MEIOB: variants seen among roughly 807,000 people sequenced by gnomAD.
MEIOB encodes the protein meiosis-specific with OB domain-containing protein.
A neutral mutation model predicts 53.1 loss-of-function variants in MEIOB; 50 were observed. The ratio of observed to expected loss-of-function variants is 0.94; its 90% confidence interval spans 0.75 to 1.19. The LOEUF is 1.19. Ranked by LOEUF, MEIOB falls within the 50% of genes most tolerant of loss-of-function variation. The pLI is 0.00. For missense variants in MEIOB, 551 were observed against 550.8 expected (o/e 1.00, Z 0.00); for synonymous variants, 192 against 182.5 (o/e 1.05, Z -0.42).
At chr16:1,858,781 C>T (rs1233658935) in intron 5 of MEIOB, among the ~76,000 whole-genome samples, 2 of 152,144 alleles carry the variant, frequency 1.3e-5, no homozygotes, top group Non-Finnish European at 2.9e-5. Flanking sequence ...ATTGGTATTT[C>T]TAGATGAAAA....
chr16:1,870,180 T>G (rs1742449), intron 1 of MEIOB, among the ~76,000 whole-genome samples: 125,550 of 152,134 alleles, frequency 0.83, 51,930 homozygotes, highest in Middle Eastern at 0.9. Context: ...CCCGGGAAAA[T>G]TATTGATTTT....
chr16:1,870,525 C>T (rs945614608), intron 1 of MEIOB, among the ~76,000 whole-genome samples: 2 of 152,138 alleles, frequency 1.3e-5, no homozygotes, highest in African/African-American at 4.8e-5. Flanking sequence ...AGTTTGTAGT[C>T]GTGTGTTTTA....
At chr16:1,860,362 T>C (rs897335011) in intron 5 of MEIOB, 41 bp downstream of exon 5, 1 of 1,069,168 alleles carries the variant, frequency 9.4e-7, no homozygotes, top group Admixed American at 2.1e-5. Flanking sequence ...TTATTAGTAA[T>C]GATCATTCTC....
At chr16:1,846,111 C>A (rs1377541752) in intron 9 of MEIOB, among the ~76,000 whole-genome samples, 1 of 152,174 alleles carries the variant, frequency 6.6e-6, no homozygotes, top group Non-Finnish European at 1.5e-5. Flanking sequence ...TATATTATCT[C>A]AATTCTTGGC....
chr16:1,839,474 C>G (rs1159745433), intron 11 of MEIOB, 36 bp from the exon 12 acceptor site: 1 of 1,543,340 alleles, frequency 6.5e-7, no homozygotes, highest in East Asian at 2.3e-5. Context: ...AAATGTGATG[C>G]CCTAAGCTAC....
chr16:1,866,276 TAAATTA>T (rs532658862), intron 2 of MEIOB, among the ~76,000 whole-genome samples: 56 of 152,336 alleles, frequency 3.7e-4, no homozygotes, highest in Admixed American at 9.8e-4. Context: ...GACAGTAATA[TAAATTA>T]GACTGTAACA....
intron 3 of MEIOB, among the ~76,000 whole-genome samples, chr16:1,865,288 T>C (rs949947061): frequency 3.3e-5 from 5 of 152,036 alleles, no homozygotes; most frequent in African/African-American, 1.2e-4. Context: ...AAAAATTAGC[T>C]GGGCATGATG....
At chr16:1,857,341 A>G (rs1164538127) in intron 6 of MEIOB, among the ~76,000 whole-genome samples, 2 of 152,200 alleles carry the variant, frequency 1.3e-5, no homozygotes, top group African/African-American at 4.8e-5. Flanking sequence ...GGCAGCTCTG[A>G]GCACAAAGGC....
intron 11 of MEIOB, among the ~76,000 whole-genome samples, chr16:1,840,530 G>A (rs915531678): frequency 7.2e-6 from 1 of 138,220 alleles, no homozygotes; most frequent in Non-Finnish European, 1.5e-5. Context: ...AAGCCACAAG[G>A]GATCTCTCTT....
intron 4 of MEIOB, among the ~76,000 whole-genome samples, chr16:1,861,747 C>A (rs1899448852): frequency 6.6e-6 from 1 of 151,930 alleles, no homozygotes; most frequent in Non-Finnish European, 1.5e-5. Flanking sequence ...GTTGCTCAGG[C>A]TGGTCTCGAA....
intron 9 of MEIOB, among the ~76,000 whole-genome samples, chr16:1,846,168 T>C (rs1025445528): frequency 2.0e-5 from 3 of 152,226 alleles, no homozygotes; most frequent in African/African-American, 7.2e-5. Flanking sequence ...GGCGAATGAA[T>C]GAATGCAGAA....
chr16:1,846,233 A>T (rs1394336910), intron 9 of MEIOB, among the ~76,000 whole-genome samples: 2 of 152,208 alleles, frequency 1.3e-5, no homozygotes, highest in Non-Finnish European at 2.9e-5. Context: ...AGATGGGAAC[A>T]TCTGCTGGAG....
At chr16:1,844,792 G>T in intron 10 of MEIOB, 70 bp downstream of exon 10, 1 of 721,298 alleles carries the variant, frequency 1.4e-6, no homozygotes, top group South Asian at 1.7e-5. Context: ...CTTTTACCAT[G>T]TCAAACAAAC....
chr16:1,835,823 C>T (rs964438788), intron 13 of MEIOB, among the ~76,000 whole-genome samples: 1 of 151,928 alleles, frequency 6.6e-6, no homozygotes, highest in African/African-American at 2.4e-5. Flanking sequence ...CAGCATTTTG[C>T]ATTGCCTGCC....
chr16:1,850,641 C>T (rs1253176569), intron 9 of MEIOB, among the ~76,000 whole-genome samples: 2 of 151,274 alleles, frequency 1.3e-5, no homozygotes, highest in South Asian at 4.2e-4. Flanking sequence ...CATACATAGG[C>T]CAGGTGCAGT....
At position 1,844,912 on chromosome 16, in the gene MEIOB, GTTTC is replaced by G. The variant is rs745529366; in HGVS notation, c.826_829del (p.Glu276ArgfsTer16). 3.9e-6 allele frequency: 6 copies of G among 1,552,950 alleles called. No homozygotes were observed. The highest frequency in any genetic ancestry group is 1.7e-5 in the Admixed American group (1 of 58,398). ...GTCAATTTCATCATCCAGAACATTC[GTTTC>G]TTTATTTTCTCGTATAAAATTCAGC... On this transcript the variant is annotated frameshift_variant, in exon 10 of 14. Transcript: ENST00000325962. LOFTEE classifies it high-confidence loss of function.
intron 6 of MEIOB, among the ~76,000 whole-genome samples, chr16:1,855,230 A>G (rs5006374): frequency 0.83 from 125,328 of 151,826 alleles, 51,850 homozygotes; most frequent in Middle Eastern, 0.9. Flanking sequence ...TCAGGAGTTC[A>G]AGACTAGCCT....
intron 9 of MEIOB, among the ~76,000 whole-genome samples, chr16:1,847,279 T>C (rs964742435): frequency 4.0e-5 from 6 of 150,910 alleles, no homozygotes; most frequent in Middle Eastern, 3.5e-3. Context: ...CTGGCCAACA[T>C]TGTGAAACCC....
intron 1 of MEIOB, among the ~76,000 whole-genome samples, chr16:1,871,571 C>A (rs1233466167): frequency 7.3e-6 from 1 of 136,392 alleles, no homozygotes; most frequent in African/African-American, 2.8e-5. Flanking sequence ...GTTGCCCAGA[C>A]CGGAGTGCAA....
Sources: allele counts gnomAD v4.1 joint callset (sites outside exome capture counted in the v4.1 genomes callset), GRCh38; gene constraint gnomAD v4.1.1; transcripts MANE v1.5; gene names NCBI Gene and HGNC (gene_info 2026-07-23, HGNC 2026-07-21).